Variants in LRRC37A observed in about 807,000 individuals in gnomAD.
LRRC37A encodes the protein leucine-rich repeat-containing protein 37A.
In LRRC37A, 3 loss-of-function variants were observed where a neutral mutation model predicts 35.4. That is an observed-to-expected ratio of 0.08 (90% CI 0.04 to 0.22). LRRC37A has a LOEUF of 0.22. Among genes scored for constraint, LRRC37A ranks in the 10% least tolerant of loss-of-function variants. LRRC37A has a pLI of 1.00. For missense variants in LRRC37A, 67 were observed against 565.3 expected, an observed-to-expected ratio of 0.12 and a Z score of 8.94; for synonymous variants, 23 against 215.0, an observed-to-expected ratio of 0.11 and a Z score of 7.81.
At chr17:46,266,158 C>G in the LRRC37A span, among the ~76,000 whole-genome samples, 1 of 152,226 alleles carries the variant, frequency 6.6e-6, no homozygotes, top group East Asian at 1.9e-4. Context: ...GGAATCTCCT[C>G]CCTTCCACAA....
chr17:46,270,991 CTT>C, the LRRC37A span, among the ~76,000 whole-genome samples: 1 of 152,148 alleles, frequency 6.6e-6, no homozygotes, highest in Non-Finnish European at 1.5e-5. Flanking sequence ...TAAGAAAAGT[CTT>C]TTAGTATCTC....
At chr17:46,255,662 G>C in the LRRC37A span, among the ~76,000 whole-genome samples, 5 of 149,664 alleles carry the variant, frequency 3.3e-5, no homozygotes, top group African/African-American at 1.2e-4. Context: ...CACCGCGCCC[G>C]GCCCCCAAAT....
At chr17:46,258,371 CAGCT>C in the LRRC37A span, among the ~76,000 whole-genome samples, 7 of 152,032 alleles carry the variant, frequency 4.6e-5, no homozygotes, top group Non-Finnish European at 1.0e-4. Flanking sequence ...CCACTATGCC[CAGCT>C]ACTTTCTGTA....
the LRRC37A span, among the ~76,000 whole-genome samples, chr17:46,264,248 G>A: frequency 2.2e-4 from 33 of 151,712 alleles, no homozygotes; most frequent in Admixed American, 2.2e-3. Context: ...ACATGTGTGA[G>A]CCACTGAGCC....
chr17:46,288,792 C>T (rs1182437249), upstream of LRRC37A, among the ~76,000 whole-genome samples: 1 of 151,840 alleles, frequency 6.6e-6, no homozygotes, highest in Non-Finnish European at 1.5e-5. Flanking sequence ...TACCCTGCAC[C>T]TCCCAGGCTC....
chr17:46,252,933 C>G, the LRRC37A span, among the ~76,000 whole-genome samples: 1 of 148,026 alleles, frequency 6.8e-6, no homozygotes, highest in Non-Finnish European at 1.5e-5. Context: ...GGGCTGACCC[C>G]CCCACCTCCC....
chr17:46,254,540 A>G, the LRRC37A span, among the ~76,000 whole-genome samples: 1 of 142,644 alleles, frequency 7.0e-6, no homozygotes, highest in Admixed American at 7.3e-5. Flanking sequence ...CACCTTGCCC[A>G]GCTAATTTTT....
chr17:46,267,113 G>T, the LRRC37A span: 2 of 448,528 alleles, frequency 4.5e-6, no homozygotes, highest in Middle Eastern at 5.8e-4. Flanking sequence ...TTGCCGGGCG[G>T]GCATGGACGG....
chr17:46,327,051 C>G (rs1346620586), intron 7 of LRRC37A, among the ~76,000 whole-genome samples: 1 of 85,634 alleles, frequency 1.2e-5, no homozygotes, highest in Admixed American at 1.2e-4. Flanking sequence ...CTAAAACATG[C>G]CTCTACTTTC....
At chr17:46,258,276 TCC>T in the LRRC37A span, among the ~76,000 whole-genome samples, 1 of 151,858 alleles carries the variant, frequency 6.6e-6, no homozygotes, top group Non-Finnish European at 1.5e-5. Context: ...AGCGGCACGA[TCC>T]CAGCTCACTG....
At chr17:46,270,855 A>G in the LRRC37A span, among the ~76,000 whole-genome samples, 21,725 of 151,960 alleles carry the variant, frequency 0.14, 1,906 homozygotes, top group Non-Finnish European at 0.22. Context: ...AGCCGAGATC[A>G]TGCCACTGCC....
chr17:46,279,070 T>C, the LRRC37A span, among the ~76,000 whole-genome samples: 17,254 of 150,292 alleles, frequency 0.11, no homozygotes, highest in Non-Finnish European at 0.17. Flanking sequence ...AGTGTTGGGA[T>C]TATAGGCATA....
At chr17:46,265,293 TC>T in the LRRC37A span, among the ~76,000 whole-genome samples, 5 of 106,794 alleles carry the variant, frequency 4.7e-5, no homozygotes, top group Non-Finnish European at 9.7e-5. Context: ...TTCTTCTTCT[TC>T]TTCTTCTTCT....
the LRRC37A span, among the ~76,000 whole-genome samples, chr17:46,271,332 A>AT: frequency 0.044 from 5,475 of 125,404 alleles, 230 homozygotes; most frequent in African/African-American, 0.1. Flanking sequence ...TACCTAGCTA[A>AT]TTTTTTTTTT....
chr17:46,262,862 T>C, the LRRC37A span, among the ~76,000 whole-genome samples: 1 of 151,830 alleles, frequency 6.6e-6, no homozygotes, highest in Admixed American at 6.6e-5. Context: ...AAAGCAGAAT[T>C]GATGGCACTG....
chr17:46,259,184 C>G, the LRRC37A span, among the ~76,000 whole-genome samples: 5 of 150,626 alleles, frequency 3.3e-5, no homozygotes, highest in East Asian at 9.9e-4. Context: ...GCTGCCCTTC[C>G]CCACAAATAA....
At chr17:46,257,812 G>T in the LRRC37A span, among the ~76,000 whole-genome samples, 3 of 78,392 alleles carry the variant, frequency 3.8e-5, no homozygotes, top group Admixed American at 1.9e-4. Context: ...ACAGAGTGAG[G>T]CCCATGTCAA....
At chr17:46,252,673 A>C in the LRRC37A span, among the ~76,000 whole-genome samples, 2 of 150,970 alleles carry the variant, frequency 1.3e-5, no homozygotes, top group Non-Finnish European at 3.0e-5. Flanking sequence ...CATGTTTCAG[A>C]GAGCACAGGG....
chr17:46,332,300 G>A (rs1468927672), intron 9 of LRRC37A, among the ~76,000 whole-genome samples: 1 of 65,738 alleles, frequency 1.5e-5, no homozygotes, highest in Non-Finnish European at 2.6e-5. Flanking sequence ...CAAAAAATAA[G>A]AAAATTAGCT....
Sources: gnomAD v4.1 joint callset for allele counts (sites outside exome capture counted in the v4.1 genomes callset) on GRCh38, gnomAD v4.1.1 for gene constraint, MANE v1.5 for transcripts, NCBI Gene and HGNC (gene_info 2026-07-23, HGNC 2026-07-21) for gene names.